The following PLEKHH2 variants were observed in gnomAD, a reference collection of about 807,000 sequenced individuals.
PLEKHH2 encodes pleckstrin homology, MyTH4 and FERM domain containing H2.
A neutral mutation model predicts 187.9 loss-of-function variants in PLEKHH2; 129 were observed. The ratio of observed to expected loss-of-function variants is 0.69; its 90% CI spans 0.59 to 0.79. The LOEUF (loss-of-function observed/expected upper bound fraction) is 0.79. Among genes scored for constraint, PLEKHH2 ranks in the 30% least tolerant of loss-of-function variants. The pLI, the probability that PLEKHH2 is intolerant of heterozygous loss-of-function variation, is 0.00. For synonymous variants in PLEKHH2, 686 were observed against 605.6 expected (o/e 1.13, Z -1.95); for missense variants, 2,076 against 1,751.2 (o/e 1.19, Z -3.31).
chr2:43,686,233 G>T (rs1299306952), intron 3 of PLEKHH2, among the ~76,000 whole-genome samples: 1 of 151,094 alleles, frequency 6.6e-6, no homozygotes, highest in East Asian at 1.9e-4. Flanking sequence ...GTCTTGCTCT[G>T]TCGCCCAGGC....
chr2:43,706,522 C>A, intron 10 of PLEKHH2, 106 bp downstream of exon 10: 1 of 807,720 alleles, frequency 1.2e-6, no homozygotes, highest in Non-Finnish European at 2.0e-6. Context: ...TACACAGGCT[C>A]TCCCTTTATA....
In PLEKHH2 at chr2:43,700,298, T is replaced by C. The variant is rs758580969; in HGVS notation, c.1340T>C (p.Phe447Ser). 2 of 1,614,130 alleles carry C rather than the reference T, an allele frequency of 1.2e-6. No individual in the cohort carries two copies. The highest frequency in any genetic ancestry group is 1.7e-6 in the Non-Finnish European group (2 of 1,179,986). Residue 447 changes from phenylalanine to serine, a missense_variant, in exon 8 of 30, where the codon TTC becomes TCC. Phe to Ser is a radical substitution (Grantham distance 155). Transcript: ENST00000282406. Reference protein sequence around the residue: ...PPPKLRIPNVFSISVALAKRH... With the variant: ...PPPKLRIPNVSSISVALAKRH... ...CCAAAGTTAAGGATTCCTAATGTTT[T>C]CAGTATAAGTGTAGCACTAGCCAAA...
intron 17 of PLEKHH2, among the ~76,000 whole-genome samples, chr2:43,728,007 A>T (rs1291517923): frequency 3.3e-5 from 5 of 152,218 alleles, no homozygotes; most frequent in Non-Finnish European, 7.3e-5. Flanking sequence ...GAGATTATCA[A>T]AGATTTAAAA....
At chr2:43,714,992 T>C (rs1670146372) in intron 15 of PLEKHH2, among the ~76,000 whole-genome samples, 1 of 151,982 alleles carries the variant, frequency 6.6e-6, no homozygotes, top group South Asian at 2.1e-4. Flanking sequence ...AATGAAGGCT[T>C]AGAGTCTTGA....
intron 20 of PLEKHH2, among the ~76,000 whole-genome samples, chr2:43,739,521 A>C (rs751204072): frequency 2.6e-5 from 4 of 152,218 alleles, no homozygotes; most frequent in Non-Finnish European, 5.9e-5. Flanking sequence ...AAGCTTATAC[A>C]GTTTGGGAAA....
At position 43,696,989 on chromosome 2, in the gene PLEKHH2, A is replaced by G. The variant is rs546540940; in HGVS notation, c.503-182A>G. On this transcript the variant is annotated intron_variant, in intron 6 of 29. Transcript: ENST00000282406. The stretch of plus-strand genomic sequence containing the variant: ...ATTCAAAATATGTAAAACAGAATTT[A>G]AACATTGGGATGTGATGCTTGTCAT... Among the ~76,000 whole-genome samples the G allele has an allele frequency of 2.6e-3, 401 of 152,354 alleles. 2 individuals carry two copies. The highest frequency in any genetic ancestry group is 9.2e-3 in the African/African-American group (381 of 41,592).
intron 19 of PLEKHH2, among the ~76,000 whole-genome samples, chr2:43,735,398 A>C (rs767691182): frequency 7.2e-5 from 11 of 152,134 alleles, no homozygotes; most frequent in Non-Finnish European, 1.3e-4. Context: ...AGATGGTAAA[A>C]TAGAATGGTG....
chr2:43,716,832 A>G (rs1670235456), intron 15 of PLEKHH2, among the ~76,000 whole-genome samples: 1 of 152,228 alleles, frequency 6.6e-6, no homozygotes, highest in Non-Finnish European at 1.5e-5. Flanking sequence ...GAGCCCTCAT[A>G]TATTCATCAT....
At chr2:43,740,873 C>G in intron 20 of PLEKHH2, 73 bp from the exon 21 acceptor site, 1 of 1,574,968 alleles carries the variant, frequency 6.3e-7, no homozygotes, top group South Asian at 1.2e-5. Flanking sequence ...TGTCATCAGC[C>G]CATTGCACTC....
At chr2:43,686,708 TA>T (rs1256878867) in intron 3 of PLEKHH2, among the ~76,000 whole-genome samples, 1 of 152,238 alleles carries the variant, frequency 6.6e-6, no homozygotes, top group African/African-American at 2.4e-5. Context: ...AATTGTGTTG[TA>T]AATGTGATTA....
At chr2:43,702,989 T>C (rs1669464537) in intron 8 of PLEKHH2, among the ~76,000 whole-genome samples, 1 of 152,246 alleles carries the variant, frequency 6.6e-6, no homozygotes, top group Non-Finnish European at 1.5e-5. Flanking sequence ...TCCTGCTTAC[T>C]GCCCTTATTG....
chr2:43,751,176 T>C (rs1018748849), intron 24 of PLEKHH2, among the ~76,000 whole-genome samples: 1 of 152,218 alleles, frequency 6.6e-6, no homozygotes, highest in African/African-American at 2.4e-5. Context: ...AGTAAATGCT[T>C]TGTAGATATT....
intron 19 of PLEKHH2, 119 bp from the exon 20 acceptor site, chr2:43,738,222 A>G: frequency 1.2e-6 from 1 of 827,398 alleles, no homozygotes; most frequent in Non-Finnish European, 1.8e-6. Flanking sequence ...TGTTATCATA[A>G]TATATCCTTT....
At position 43,710,584 on chromosome 2, in the gene PLEKHH2, C is replaced by CTTTTTTTTTTTTT. The variant is rs376851824; in HGVS notation, c.2301+21_2301+33dup. On this transcript the variant is annotated intron_variant, in intron 14 of 29. Transcript: ENST00000282406. ...ACAAACAAACAGTTCAGGTACTTAA[C>CTTTTTTTTTTTTT]TTTTTTTTTTTTTTTTTTTTTTTTG... 12 of 1,242,580 alleles carry CTTTTTTTTTTTTT rather than the reference C, an allele frequency of 9.7e-6. No homozygotes were observed. The South Asian group carries it at 1.1e-4, about 12-fold the overall frequency. The allele number at this position is 1,242,580 out of a possible 1,614,324, so 77.0% of individuals were successfully genotyped here.
At chr2:43,727,367 G>A (rs1334696904) in intron 17 of PLEKHH2, among the ~76,000 whole-genome samples, 15 of 131,242 alleles carry the variant, frequency 1.1e-4, no homozygotes, top group African/African-American at 4.3e-4. Context: ...AGCTGAGATC[G>A]CACCACTGCA....
intron 2 of PLEKHH2, among the ~76,000 whole-genome samples, chr2:43,657,538 C>T (rs978843249): frequency 2.0e-5 from 3 of 152,146 alleles, no homozygotes; most frequent in African/African-American, 7.2e-5. Flanking sequence ...ACAACCAAAG[C>T]CCATCACAGG....
chr2:43,728,340 G>A lies in PLEKHH2; in HGVS notation c.2722-1297G>A, dbSNP rs138351191. On this transcript the variant is annotated intron_variant, in intron 17 of 29. Coordinates refer to ENST00000282406, the MANE Select transcript of PLEKHH2 (RefSeq NM_172069.4). ...CTAAAAATACAAAAAGTAGCTGGAC[G>A]TGGTGACAGGTTCCTGTAATCCCAG... Among the ~76,000 whole-genome samples the A allele has an allele frequency of 1.9e-4, 29 of 151,566 alleles. No individual in the cohort carries two copies. The East Asian group carries it at 5.2e-3, about 27-fold the overall frequency.
chr2:43,718,748 T>C (rs1670332593), intron 15 of PLEKHH2, among the ~76,000 whole-genome samples: 1 of 152,152 alleles, frequency 6.6e-6, no homozygotes, highest in South Asian at 2.1e-4. Context: ...TTCTGAAGAT[T>C]GTTTGAAGAA....
At chr2:43,695,245 T>C (rs746336872) in intron 6 of PLEKHH2, 21 bp downstream of exon 6, 48 of 1,431,426 alleles carry the variant, frequency 3.4e-5, no homozygotes, top group Admixed American at 1.5e-4. Flanking sequence ...TTTACTAAGA[T>C]AGCTTAGTTG....
Sources: gnomAD v4.1 joint callset for allele counts (sites outside exome capture counted in the v4.1 genomes callset) on GRCh38, gnomAD v4.1.1 for gene constraint, MANE v1.5 for transcripts, NCBI Gene and HGNC (gene_info 2026-07-23, HGNC 2026-07-21) for gene names.